Variants in DIP2C observed in about 807,000 individuals in gnomAD.
The protein encoded by DIP2C is DIP2 acetate--CoA ligase C (putative), also known as disco-interacting protein 2 homolog C.
Under a neutral mutation model 192.4 loss-of-function variants are expected in DIP2C, and 33 were observed. That is an observed-to-expected ratio of 0.17 (90% CI 0.13 to 0.23). DIP2C has a LOEUF of 0.23. Among genes scored for constraint, DIP2C ranks in the 10% least tolerant of loss-of-function variants. DIP2C has a pLI of 1.00. For missense variants in DIP2C, 1,537 were observed against 2,110.1 expected (o/e 0.73, Z 5.32); for synonymous variants, 979 against 864.1 (o/e 1.13, Z -2.33).
chr10:605,682 A>T (rs1852409045), intron 1 of DIP2C, among the ~76,000 whole-genome samples: 1 of 152,168 alleles, frequency 6.6e-6, no homozygotes, highest in Admixed American at 6.5e-5. Flanking sequence ...TTAGATATTG[A>T]TCTCCCTCAG....
At chr10:595,066 G>T (rs900766070) in intron 1 of DIP2C, among the ~76,000 whole-genome samples, 1 of 152,202 alleles carries the variant, frequency 6.6e-6, no homozygotes, top group African/African-American at 2.4e-5. Context: ...CGACCCGCAG[G>T]TCTTCTACAT....
intron 1 of DIP2C, among the ~76,000 whole-genome samples, chr10:542,699 C>T (rs1233300782): frequency 6.6e-6 from 1 of 152,058 alleles, no homozygotes; most frequent in Non-Finnish European, 1.5e-5. Context: ...GACCCTGTCC[C>T]TCTCTATACC....
rs1322948634 is a variant in DIP2C, at chr10:366,367, T to G, written c.2176A>C (p.Arg726=). ...VKPDGVPQLC[R]TDEIGELCVC... ...CACAGCTCCCCGATCTCATCCGTTC[T>G]GCACAGCTGAGGAACCCCGTCTGGC... The change falls in exon 19 of 37, where the codon AGA becomes CGA. Residue 726 remains arginine (R), a synonymous_variant. Coordinates refer to ENST00000280886, the MANE Select transcript of DIP2C (RefSeq NM_014974.3). The G allele has an allele frequency of 6.2e-7, 1 of 1,614,220 alleles. No homozygotes were observed. Among genetic ancestry groups the G allele is most frequent in the Non-Finnish European group, 8.5e-7 (1 of 1,180,038 alleles).
At chr10:461,827 A>G (rs1285486154) in intron 3 of DIP2C, among the ~76,000 whole-genome samples, 1 of 152,232 alleles carries the variant, frequency 6.6e-6, no homozygotes, top group African/African-American at 2.4e-5. Context: ...CATAACAAAC[A>G]GTCTCTCAGA....
At chr10:553,733 TTGTAAC>T (rs1848698928) in intron 1 of DIP2C, among the ~76,000 whole-genome samples, 1 of 152,088 alleles carries the variant, frequency 6.6e-6, no homozygotes, top group Non-Finnish European at 1.5e-5. Flanking sequence ...AAGGTATAGC[TTGTAAC>T]TGTAACAGCG....
intron 31 of DIP2C, among the ~76,000 whole-genome samples, chr10:321,298 T>C (rs1956997864): frequency 6.6e-6 from 1 of 152,192 alleles, no homozygotes. Context: ...GGCCTTGAAA[T>C]CCTGCAGTCA....
intron 1 of DIP2C, among the ~76,000 whole-genome samples, chr10:600,502 G>A (rs1047440719): frequency 5.4e-5 from 7 of 130,138 alleles, no homozygotes; most frequent in African/African-American, 1.4e-4. Context: ...CAGGGTGTTC[G>A]GATGCTCCGG....
chr10:311,453 C>G, intron 31 of DIP2C: 4 of 1,158,260 alleles, frequency 3.5e-6, no homozygotes, highest in Non-Finnish European at 3.3e-6. Context: ...CACTCAACTG[C>G]TAGTCTGTCC....
intron 3 of DIP2C, among the ~76,000 whole-genome samples, chr10:463,173 GA>G (rs1969931334): frequency 6.6e-6 from 1 of 152,154 alleles, no homozygotes; most frequent in Non-Finnish European, 1.5e-5. Flanking sequence ...GAGAAAGAAA[GA>G]AAGGGTATTC....
chr10:443,308 C>G (rs1967897788), intron 3 of DIP2C, among the ~76,000 whole-genome samples: 2 of 152,158 alleles, frequency 1.3e-5, no homozygotes, highest in Non-Finnish European at 2.9e-5. Flanking sequence ...CTCATTTTAT[C>G]TTTCATCACT....
chr10:374,807 A>AGGC (rs1961378764), intron 17 of DIP2C, among the ~76,000 whole-genome samples: 1 of 152,246 alleles, frequency 6.6e-6, no homozygotes, highest in Admixed American at 6.5e-5. Context: ...CAGTCCCCAT[A>AGGC]GGCAGAATTC....
chr10:289,284 T>C (rs78987902), intron 32 of DIP2C, among the ~76,000 whole-genome samples: 1 of 122,106 alleles, frequency 8.2e-6, no homozygotes, highest in Non-Finnish European at 1.8e-5. Flanking sequence ...TTTTTTTTTT[T>C]AAAGAGACAG....
At position 418,182 on chromosome 10, in the gene DIP2C, C is replaced by T. The variant is rs77237254; in HGVS notation, c.739+883G>A. On this transcript the variant is annotated intron_variant, in intron 6 of 36. Coordinates refer to ENST00000280886, the MANE Select transcript of DIP2C (RefSeq NM_014974.3). Reference sequence around the variant, plus strand: ...TCGGACAGGCCTCCCTGTCCACCTGCACCTGTCAGGGCGCGGACAGGCCTC... The same window carrying T: ...TCGGACAGGCCTCCCTGTCCACCTGTACCTGTCAGGGCGCGGACAGGCCTC... 6.3e-4 allele frequency among the ~76,000 whole-genome samples: 28 copies of T among 44,356 alleles called. 1 individual carries two copies. The highest frequency in any genetic ancestry group is 1.3e-3 in the African/African-American group (11 of 8,402). 29.1% of individuals were successfully genotyped at this position (44,356 alleles called of 152,430 possible).
At chr10:606,541 G>A (rs1028703141) in intron 1 of DIP2C, among the ~76,000 whole-genome samples, 1 of 149,076 alleles carries the variant, frequency 6.7e-6, no homozygotes, top group Admixed American at 6.7e-5. Context: ...TACCTGCTGT[G>A]ATCCGAATTC....
chr10:473,967 C>T (rs1344523509), intron 2 of DIP2C, among the ~76,000 whole-genome samples: 1 of 152,190 alleles, frequency 6.6e-6, no homozygotes, highest in Non-Finnish European at 1.5e-5. Flanking sequence ...ATGGCTCCTA[C>T]ACCGTCATTT....
At chr10:610,065 C>T (rs559179724) in intron 1 of DIP2C, among the ~76,000 whole-genome samples, 5 of 152,266 alleles carry the variant, frequency 3.3e-5, no homozygotes, top group East Asian at 1.9e-4. Context: ...AGCCAAGATC[C>T]GGAATCACCT....
intron 1 of DIP2C, among the ~76,000 whole-genome samples, chr10:537,708 C>G (rs1318002013): frequency 1.3e-5 from 2 of 152,152 alleles, no homozygotes; most frequent in African/African-American, 2.4e-5. Flanking sequence ...TAAGTCAACT[C>G]TAGGTGGTGC....
chr10:557,163 TG>T (rs1848923059), intron 1 of DIP2C, among the ~76,000 whole-genome samples: 1 of 152,166 alleles, frequency 6.6e-6, no homozygotes. Context: ...GGAGCAGCCC[TG>T]GGCAGGGATG....
intron 31 of DIP2C, among the ~76,000 whole-genome samples, chr10:311,315 C>T (rs1264730156): frequency 6.6e-6 from 1 of 152,234 alleles, no homozygotes; most frequent in Non-Finnish European, 1.5e-5. Flanking sequence ...ATGAACCAAA[C>T]TGGCAAATGA....
Sources: allele counts gnomAD v4.1 joint callset (sites outside exome capture counted in the v4.1 genomes callset), GRCh38; gene constraint gnomAD v4.1.1; transcripts MANE v1.5; gene names NCBI Gene and HGNC (gene_info 2026-07-23, HGNC 2026-07-21).